SMARCA1: variants seen among roughly 807,000 people sequenced by gnomAD.
SMARCA1 encodes SWI/SNF-related matrix-associated actin-dependent regulator of chromatin subfamily A member 1.
Under a neutral mutation model 93.6 loss-of-function variants are expected in SMARCA1, and 17 were observed. That is an observed-to-expected ratio of 0.18 (90% CI 0.12 to 0.27). The LOEUF is 0.27. Ranked by LOEUF, SMARCA1 falls within the 10% of genes least tolerant of loss-of-function variation. The pLI, the probability that SMARCA1 is intolerant of heterozygous loss-of-function variation, is 1.00. For missense variants in SMARCA1, 630 were observed against 819.0 expected (o/e 0.77, Z 2.82); for synonymous variants, 271 against 271.4 (o/e 1.00, Z 0.01).
intron 17 of SMARCA1, 31 bp from the exon 18 acceptor site, chrX:129,481,216 A>C (rs1602681379): frequency 1.1e-6 from 1 of 896,926 alleles, no homozygotes; most frequent in Non-Finnish European, 1.6e-6. Flanking sequence ...CAAGGGGTTT[A>C]ATGACTCCAA....
chrX:129,507,525 T>C, intron 7 of SMARCA1, among the ~76,000 whole-genome samples: 1 of 112,895 alleles, frequency 8.9e-6, no homozygotes, highest in Non-Finnish European at 1.9e-5. Context: ...AATTTAGATT[T>C]GCATTCACAT....
At chrX:129,490,849 T>C (rs1180854853) in intron 14 of SMARCA1, among the ~76,000 whole-genome samples, 2 of 111,363 alleles carry the variant, frequency 1.8e-5, no homozygotes, top group Non-Finnish European at 3.8e-5. Context: ...ATAAAAACAC[T>C]AGAGCCTAGT....
intron 19 of SMARCA1, among the ~76,000 whole-genome samples, chrX:129,474,416 C>T (rs1239187877): frequency 4.5e-5 from 5 of 111,188 alleles, no homozygotes; most frequent in Non-Finnish European, 9.4e-5. Context: ...ATTTTATAAA[C>T]ATCCAATTCA....
intron 19 of SMARCA1, among the ~76,000 whole-genome samples, chrX:129,480,460 T>C (rs1245713006): frequency 8.9e-6 from 1 of 112,415 alleles, no homozygotes; most frequent in South Asian, 3.6e-4. Flanking sequence ...AATAATGTTA[T>C]TACTATTTCA....
rs752852187 is a variant in SMARCA1, at chrX:129,516,632, C to T, written c.262-135G>A. The T allele has an allele frequency of 4.9e-5, 25 of 515,201 alleles. No homozygotes were observed. In the East Asian group the frequency reaches 8.0e-4, roughly 17 times the overall value. 42.5% of individuals were successfully genotyped at this position (515,201 alleles called of 1,213,427 possible). ...TTCAATTCTCTTAAGAAACCTATGA[C>T]GTAATTACAAGTATCATCTCCATTG... is the stretch of plus-strand genomic sequence containing the variant. On this transcript the variant is annotated intron_variant, in intron 2 of 24. Transcript: ENST00000371121.
chrX:129,473,652 G>A (rs1933243435), intron 19 of SMARCA1, among the ~76,000 whole-genome samples: 1 of 112,099 alleles, frequency 8.9e-6, no homozygotes, highest in Non-Finnish European at 1.9e-5. Context: ...TAGATACATG[G>A]GACAACATGG....
At chrX:129,521,138 G>T (rs1364001475) in intron 1 of SMARCA1, among the ~76,000 whole-genome samples, 1 of 111,162 alleles carries the variant, frequency 9.0e-6, no homozygotes, top group African/African-American at 3.3e-5. Flanking sequence ...TACCCGCCTC[G>T]GCCTCCCAAA....
intron 19 of SMARCA1, among the ~76,000 whole-genome samples, chrX:129,471,766 T>C (rs1933134637): frequency 8.9e-6 from 1 of 112,100 alleles, no homozygotes; most frequent in African/African-American, 3.2e-5. Context: ...AGTGCTTTTA[T>C]TGCCTGCCAA....
At chrX:129,496,601 C>G (rs1934338869) in intron 12 of SMARCA1, 149 bp downstream of exon 12, 3 of 459,644 alleles carry the variant, frequency 6.5e-6, no homozygotes, top group Non-Finnish European at 1.1e-5. Flanking sequence ...GGAAGCCACA[C>G]TGAAGATTGA....
intron 21 of SMARCA1, among the ~76,000 whole-genome samples, chrX:129,466,855 C>A (rs202214862): frequency 0.018 from 1,864 of 101,885 alleles, 39 homozygotes; most frequent in East Asian, 0.17. Flanking sequence ...AAAAAAAAAA[C>A]CTCATTGGGA....
At chrX:129,511,352 T>C (rs887489795) in intron 6 of SMARCA1, among the ~76,000 whole-genome samples, 4 of 112,011 alleles carry the variant, frequency 3.6e-5, no homozygotes, top group Admixed American at 9.5e-5. Context: ...TCCAGTTGTG[T>C]ACATGCATAT....
chrX:129,499,697 C>T, intron 10 of SMARCA1, 35 bp downstream of exon 10: 2 of 794,050 alleles, frequency 2.5e-6, no homozygotes, highest in Non-Finnish European at 3.7e-6. Flanking sequence ...AATTCTTACA[C>T]ACAAATAAGT....
At chrX:129,504,298 A>G (rs1040731322) in intron 9 of SMARCA1, among the ~76,000 whole-genome samples, 5 of 111,285 alleles carry the variant, frequency 4.5e-5, no homozygotes, top group African/African-American at 1.3e-4. Context: ...ACAGATTAAC[A>G]GGAAACAGAA....
Position 129,493,089 on chromosome X carries a change from C to A in SMARCA1, c.1627-14G>T. ...TAGGAATTTATCCTAAGGAAATAATCAGAGATGTGCACAAAGATTTATGTA... is the reference window on the plus strand; with the variant it reads ...TAGGAATTTATCCTAAGGAAATAATAAGAGATGTGCACAAAGATTTATGTA... On this transcript the variant is annotated splice_polypyrimidine_tract_variant and intron_variant, in intron 12 of 24. Transcript: ENST00000371121. The A allele has an allele frequency of 2.2e-6, 1 of 458,169 alleles. No homozygotes were observed. Among genetic ancestry groups the A allele is most frequent in the Admixed American group, 3.2e-5 (1 of 31,289 alleles). The allele number at this position is 458,169 out of a possible 1,213,427, so 37.8% of individuals were successfully genotyped here. A position where few individuals can be genotyped will look rare whatever the true frequency, so the allele number is the denominator to read the frequency against.
At chrX:129,459,564 T>A (rs1222032383) in intron 23 of SMARCA1, among the ~76,000 whole-genome samples, 1 of 112,750 alleles carries the variant, frequency 8.9e-6, no homozygotes, top group Non-Finnish European at 1.9e-5. Context: ...CGAACACTAT[T>A]GCTGCATAAT....
chrX:129,485,204 A>G (rs1933842797), intron 17 of SMARCA1, among the ~76,000 whole-genome samples: 1 of 112,354 alleles, frequency 8.9e-6, no homozygotes, highest in Non-Finnish European at 1.9e-5. Flanking sequence ...AAAGCCCTGG[A>G]GGCAGGGCTG....
chrX:129,521,744 G>C (rs1389879118), intron 1 of SMARCA1, among the ~76,000 whole-genome samples: 1 of 112,067 alleles, frequency 8.9e-6, no homozygotes, highest in Non-Finnish European at 1.9e-5. Context: ...ATTGATGCTT[G>C]GTATTACACC....
At chrX:129,466,407 C>A (rs1005589741) in intron 21 of SMARCA1, among the ~76,000 whole-genome samples, 99 of 111,750 alleles carry the variant, frequency 8.9e-4, no homozygotes, top group African/African-American at 2.9e-3. Context: ...GTAATCCCAG[C>A]ACTTTGGGAG....
Position 129,516,343 on chromosome X carries a change from A to G in SMARCA1, c.416T>C (p.Ile139Thr). The G allele has an allele frequency of 8.3e-7, 1 of 1,208,652 alleles. No homozygotes were observed. Among genetic ancestry groups the G allele is most frequent in the Non-Finnish European group, 1.1e-6 (1 of 893,704 alleles). The change falls in exon 3 of 25, where the codon ATT becomes ACT. Residue 139 changes from isoleucine to threonine, a missense_variant. Ile to Thr is a moderately conservative substitution (Grantham distance 89, BLOSUM62 -1). This residue lies in a region of SMARCA1 where 382 missense variants were observed against 537.9 expected (regional missense o/e 0.71). Coordinates refer to ENST00000371121, the MANE Select transcript of SMARCA1 (RefSeq NM_001282874.2). ...GGTGCCAACATACTCTCCAGCAGAA[A>G]TTAAGCTCTGCTTTTCATCTTTCTT... ...RIKKDEKQSLISAGDYRHRRT... is the reference protein window; with the variant it reads ...RIKKDEKQSLTSAGDYRHRRT...
Sources: allele counts gnomAD v4.1 joint callset (sites outside exome capture counted in the v4.1 genomes callset), GRCh38; gene constraint gnomAD v4.1.1; regional missense constraint gnomAD v4.1.1; transcripts MANE v1.5; gene names NCBI Gene and HGNC (gene_info 2026-07-23, HGNC 2026-07-21).